Variants in NCAPG2 observed in about 807,000 individuals in gnomAD.
The protein encoded by NCAPG2 is non-SMC condensin II complex subunit G2.
NCAPG2 carries 53 observed loss-of-function variants against 141.1 expected under a neutral mutation model. The observed-to-expected ratio is 0.38, with a 90% confidence interval of 0.30 to 0.47. NCAPG2 has a LOEUF of 0.47. Among genes scored for constraint, NCAPG2 ranks in the 20% least tolerant of loss-of-function variants. The probability of loss-of-function intolerance (pLI) is 0.99; values close to 1 mark genes in which losing one functional copy is unlikely to be tolerated. For missense variants in NCAPG2, 1,087 were observed against 1,389.0 expected, an observed-to-expected ratio of 0.78 and a Z score of 3.46; for synonymous variants, 499 against 490.7, an observed-to-expected ratio of 1.02 and a Z score of -0.22.
chr7:158,652,608 G>C, intron 22 of NCAPG2, 128 bp from the exon 23 acceptor site: 1 of 772,268 alleles, frequency 1.3e-6, no homozygotes, highest in Non-Finnish European at 2.0e-6. Flanking sequence ...GGTATTTGGT[G>C]AGCCAATACC....
At chr7:158,676,517 T>C (rs1834060264) in intron 11 of NCAPG2, among the ~76,000 whole-genome samples, 2 of 150,264 alleles carry the variant, frequency 1.3e-5, no homozygotes, top group African/African-American at 2.5e-5. Context: ...AATTTATCTT[T>C]AGCTGTGATC....
intron 12 of NCAPG2, among the ~76,000 whole-genome samples, chr7:158,674,579 T>G (rs1833941592): frequency 6.6e-6 from 1 of 152,238 alleles, no homozygotes; most frequent in Non-Finnish European, 1.5e-5. Context: ...TGTGAGCCAC[T>G]GCACCTAGCC....
At chr7:158,655,297 G>A in intron 20 of NCAPG2, 39 bp from the exon 21 acceptor site, 2 of 1,613,900 alleles carry the variant, frequency 1.2e-6, no homozygotes, top group Non-Finnish European at 1.7e-6. Flanking sequence ...AACAAAAAGA[G>A]CACTGTGTAT....
intron 15 of NCAPG2, among the ~76,000 whole-genome samples, chr7:158,663,896 T>C (rs2129460305): frequency 6.6e-6 from 1 of 152,310 alleles, no homozygotes; most frequent in East Asian, 1.9e-4. Flanking sequence ...CCATGCTACA[T>C]CCAGGATTGA....
chr7:158,662,325 C>T lies in NCAPG2; in HGVS notation c.1858G>A (p.Ala620Thr). The part of the protein sequence containing the change: ...TLSVNDVACM[A>T]GLLEIIVILW... ...ATCACAATGATTTCTAGTAAACCTGCCATGCATGCAACATCGTTTACTGAC... is the reference window on the plus strand; with the variant it reads ...ATCACAATGATTTCTAGTAAACCTGTCATGCATGCAACATCGTTTACTGAC... The change falls in exon 16 of 28, where the codon GCA becomes ACA. Residue 620 changes from alanine to threonine, a missense_variant. Ala to Thr is a moderately conservative substitution (Grantham distance 58). Transcript: ENST00000356309. The T allele has an allele frequency of 6.2e-7, 1 of 1,603,994 alleles. No homozygotes were observed. Among genetic ancestry groups the T allele is most frequent in the Non-Finnish European group, 8.5e-7 (1 of 1,175,982 alleles).
intron 27 of NCAPG2, chr7:158,640,557 T>C (rs1830573868): frequency 6.6e-6 from 1 of 151,964 alleles, no homozygotes; most frequent in Non-Finnish European, 1.5e-5. Flanking sequence ...ATAAATTAAA[T>C]AAAGTACAGA....
At chr7:158,679,525 G>A (rs1037949805) in intron 11 of NCAPG2, among the ~76,000 whole-genome samples, 1 of 152,036 alleles carries the variant, frequency 6.6e-6, no homozygotes, top group Non-Finnish European at 1.5e-5. Context: ...AGGCAATATC[G>A]CAATCACACT....
chr7:158,695,281 C>A (rs1259661920), intron 2 of NCAPG2, among the ~76,000 whole-genome samples: 2 of 152,170 alleles, frequency 1.3e-5, no homozygotes, highest in Non-Finnish European at 2.9e-5. Flanking sequence ...GGCACAGAAA[C>A]GAATCAGGAC....
intron 24 of NCAPG2, among the ~76,000 whole-genome samples, chr7:158,649,797 T>G (rs1243133666): frequency 6.6e-6 from 1 of 152,180 alleles, no homozygotes; most frequent in Non-Finnish European, 1.5e-5. Flanking sequence ...TACAGAGAAG[T>G]TTTTTTCTCT....
At chr7:158,636,053 T>A (rs1830174616) in intron 27 of NCAPG2, among the ~76,000 whole-genome samples, 1 of 152,228 alleles carries the variant, frequency 6.6e-6, no homozygotes, top group African/African-American at 2.4e-5. Flanking sequence ...AGTCCTGACC[T>A]ATTTATTTTC....
At chr7:158,681,904 G>A (rs1834473209) in intron 9 of NCAPG2, among the ~76,000 whole-genome samples, 1 of 152,088 alleles carries the variant, frequency 6.6e-6, no homozygotes. Flanking sequence ...CTGAAGCACT[G>A]CCTGAAACCT....
chr7:158,701,971 G>T, intron 1 of NCAPG2, 33 bp from the exon 2 acceptor site: 1 of 1,259,498 alleles, frequency 7.9e-7, no homozygotes, highest in Non-Finnish European at 1.1e-6. Flanking sequence ...TGAAACACTT[G>T]CAAATATATC....
intron 2 of NCAPG2, among the ~76,000 whole-genome samples, chr7:158,694,534 A>G (rs1320519943): frequency 1.3e-5 from 2 of 152,172 alleles, no homozygotes; most frequent in African/African-American, 2.4e-5. Context: ...CTGTCTTGAC[A>G]GCGCCGAGGA....
rs768214427 is a variant in NCAPG2 at position 158,650,870 on chromosome 7, C to T, written c.3037G>A (p.Ala1013Thr). Residue 1013 changes from alanine to threonine, a missense_variant, in exon 24 of 28, where the codon GCT becomes ACT. Ala to Thr is a moderately conservative substitution (Grantham distance 58, BLOSUM62 0). Coordinates refer to ENST00000356309, the MANE Select transcript of NCAPG2 (RefSeq NM_017760.7). ...TGACTTATCTCAACCACAGGCCCAGCGATCAGAGTAGAAAGTACACCCCGG... is the reference window on the plus strand; with the variant it reads ...TGACTTATCTCAACCACAGGCCCAGTGATCAGAGTAGAAAGTACACCCCGG... ...VHRGVLSTLI[A>T]GPVVEISHQL... The T allele has an allele frequency of 1.2e-6, 2 of 1,613,364 alleles. No individual in the cohort carries two copies. Among genetic ancestry groups the T allele is most frequent in the Non-Finnish European group, 1.7e-6 (2 of 1,179,750 alleles).
intron 8 of NCAPG2, 55 bp from the exon 9 acceptor site, chr7:158,683,441 C>A (rs537073016): frequency 3.0e-6 from 4 of 1,349,590 alleles, no homozygotes; most frequent in Admixed American, 4.3e-5. Flanking sequence ...CTACTGACGA[C>A]CTGACAAGCA....
intron 9 of NCAPG2, among the ~76,000 whole-genome samples, chr7:158,681,193 G>A (rs1225543069): frequency 6.6e-6 from 1 of 152,128 alleles, no homozygotes; most frequent in African/African-American, 2.4e-5. Flanking sequence ...AAGAGCTCAC[G>A]CTTGTTCCAA....
At chr7:158,674,899 A>G (rs1833960245) in intron 12 of NCAPG2, among the ~76,000 whole-genome samples, 1 of 152,134 alleles carries the variant, frequency 6.6e-6, no homozygotes, top group Non-Finnish European at 1.5e-5. Flanking sequence ...CTCCAAGAGC[A>G]TTTGCTTTTG....
In NCAPG2 at chr7:158,679,966, C is replaced by T. The variant is rs756375034; in HGVS notation, c.1140G>A (p.Glu380=). ...MDSEIQKQFE[E]LYSLLEDPYP... ...GACCACCTGAAGTACGTACATAGAG[C>T]TCTTCAAACTGTTTCTGGATTTCAC... Residue 380 remains glutamate (E), a synonymous_variant, in exon 11 of 28, where the codon GAG becomes GAA. Transcript: ENST00000356309. 6.2e-7 allele frequency: 1 copy of T among 1,614,048 alleles called. No individual in the cohort carries two copies. The highest frequency in any genetic ancestry group is 1.1e-5 in the South Asian group (1 of 91,034).
At chr7:158,687,561 G>T (rs1438059903) in intron 6 of NCAPG2, 119 bp from the exon 7 acceptor site, 2 of 709,934 alleles carry the variant, frequency 2.8e-6, no homozygotes, top group African/African-American at 3.6e-5. Context: ...CGAGGCACAT[G>T]TAATTATCAC....
Sources: allele counts gnomAD v4.1 joint callset (sites outside exome capture counted in the v4.1 genomes callset), GRCh38; gene constraint gnomAD v4.1.1; transcripts MANE v1.5; gene names NCBI Gene and HGNC (gene_info 2026-07-23, HGNC 2026-07-21).